Variants in B4GALNT3 observed in about 807,000 individuals in gnomAD.
B4GALNT3 encodes beta-1,4-N-acetyl-galactosaminyltransferase 3.
In B4GALNT3, 86 loss-of-function variants were observed where a neutral mutation model predicts 120.2. That is an observed-to-expected ratio of 0.72 (90% CI 0.60 to 0.86). The LOEUF (loss-of-function observed/expected upper bound fraction) is 0.86. B4GALNT3 is among the 40% of genes least tolerant of loss of function. The pLI, the probability that B4GALNT3 is intolerant of heterozygous loss-of-function variation, is 0.00. For missense variants in B4GALNT3, 1,167 were observed against 1,298.9 expected (o/e 0.90, Z 1.56); for synonymous variants, 518 against 510.4 (o/e 1.01, Z -0.20).
At chr12:536,327 A>C (rs778530930) in intron 3 of B4GALNT3, 32 bp downstream of exon 3, 50 of 1,541,374 alleles carry the variant, frequency 3.2e-5, no homozygotes, top group Non-Finnish European at 4.1e-5. Flanking sequence ...CTGCCCTTTG[A>C]GAGAGCTAAA....
chr12:533,465 G>A (rs892997460), intron 1 of B4GALNT3, among the ~76,000 whole-genome samples: 42 of 152,330 alleles, frequency 2.8e-4, no homozygotes, highest in Admixed American at 6.5e-5. Context: ...ACCATAACAC[G>A]AGTGGAGGGT....
chr12:498,492 T>C (rs567918609), intron 1 of B4GALNT3, among the ~76,000 whole-genome samples: 99 of 146,856 alleles, frequency 6.7e-4, no homozygotes, highest in Non-Finnish European at 1.2e-3. Context: ...CTTCCTGTTT[T>C]TGTTTTGTTC....
chr12:500,247 G>T (rs902936971), intron 1 of B4GALNT3, among the ~76,000 whole-genome samples: 1 of 152,136 alleles, frequency 6.6e-6, no homozygotes, highest in Admixed American at 6.5e-5. Context: ...GGGCTCAAGC[G>T]ATCCTCCCGC....
At chr12:505,068 A>G (rs1946483725) in intron 1 of B4GALNT3, among the ~76,000 whole-genome samples, 1 of 151,612 alleles carries the variant, frequency 6.6e-6, no homozygotes, top group Admixed American at 6.6e-5. Context: ...TGTTTTCTGT[A>G]TTTTTAGTAG....
rs10604398 is a variant in B4GALNT3, at chr12:552,292, TACACACACACACACACAC to T, written c.1209-148_1209-131del. 1,196 of 627,124 alleles carry T rather than the reference TACACACACACACACACAC, an allele frequency of 1.9e-3. 9 individuals carry two copies. In the African/African-American group the frequency reaches 0.019, roughly 10 times the overall value. 38.8% of individuals were successfully genotyped at this position (627,124 alleles called of 1,614,324 possible). On this transcript the variant is annotated intron_variant, in intron 12 of 19. Transcript: ENST00000266383. ...CTTTGCTCTTGCTCTTCCTGAGTAC[TACACACACACACACACAC>T]ACACACACACACACACACACACACA... is the stretch of plus-strand genomic sequence containing the variant.
intron 18 of B4GALNT3, among the ~76,000 whole-genome samples, chr12:558,939 C>CTCTG (rs984367454): frequency 6.6e-6 from 1 of 151,784 alleles, no homozygotes; most frequent in African/African-American, 2.4e-5. Flanking sequence ...GTGCCAGATG[C>CTCTG]TCTGCCCTGT....
At chr12:503,733 G>A (rs1250666336) in intron 1 of B4GALNT3, among the ~76,000 whole-genome samples, 1 of 142,084 alleles carries the variant, frequency 7.0e-6, no homozygotes, top group Non-Finnish European at 1.6e-5. Context: ...GTGGACCTCA[G>A]TTCCCCAATC....
At chr12:528,151 A>G (rs1439447192) in intron 1 of B4GALNT3, among the ~76,000 whole-genome samples, 6 of 152,160 alleles carry the variant, frequency 3.9e-5, no homozygotes, top group Admixed American at 1.3e-4. Context: ...CCTACTGCCT[A>G]TGTGACTTTT....
At chr12:500,669 CCCCAACCCGGGA>C (rs1946429776) in intron 1 of B4GALNT3, among the ~76,000 whole-genome samples, 1 of 151,972 alleles carries the variant, frequency 6.6e-6, no homozygotes, top group African/African-American at 2.4e-5. Context: ...CCCGTGGGTG[CCCCAACCCGGGA>C]CCCACCAGGC....
At chr12:543,868 G>A (rs1354313236) in intron 3 of B4GALNT3, among the ~76,000 whole-genome samples, 3 of 115,140 alleles carry the variant, frequency 2.6e-5, no homozygotes, top group Admixed American at 8.5e-5. Context: ...AGGAGCTGGG[G>A]CGGGCATGGG....
chr12:508,286 T>A (rs1946517017), intron 1 of B4GALNT3, among the ~76,000 whole-genome samples: 3 of 152,186 alleles, frequency 2.0e-5, no homozygotes, highest in Admixed American at 2.0e-4. Context: ...CTTTTGTTTT[T>A]TTTAGACAGG....
At chr12:496,565 C>T (rs1483088925) in intron 1 of B4GALNT3, among the ~76,000 whole-genome samples, 1 of 152,102 alleles carries the variant, frequency 6.6e-6, no homozygotes, top group East Asian at 1.9e-4. Context: ...GCACTCTGCA[C>T]TCCAGCCTGG....
At chr12:516,374 A>G (rs1946656209) in intron 1 of B4GALNT3, among the ~76,000 whole-genome samples, 1 of 152,210 alleles carries the variant, frequency 6.6e-6, no homozygotes, top group Non-Finnish European at 1.5e-5. Context: ...CTGAGTAAAA[A>G]GGGCAAGAAA....
intron 1 of B4GALNT3, among the ~76,000 whole-genome samples, chr12:528,152 T>G (rs541857671): frequency 6.6e-6 from 1 of 152,318 alleles, no homozygotes; most frequent in South Asian, 2.1e-4. Context: ...CTACTGCCTA[T>G]GTGACTTTTG....
In B4GALNT3 at chr12:558,579, G is replaced by A. The variant is rs1218822997; in HGVS notation, c.2679G>A (p.Arg893=). 1.2e-6 allele frequency: 2 copies of A among 1,614,212 alleles called. No homozygotes were observed. The highest frequency in any genetic ancestry group is 1.7e-6 in the Non-Finnish European group (2 of 1,180,022). The change falls in exon 18 of 20, where the codon CGG becomes CGA. Residue 893 remains arginine (R), a synonymous_variant. Transcript: ENST00000266383. ...CAGCTGGAGTCATCGATGCCATTCG[G>A]AAGCACTGTGTGGAGGGAAAGATGG... The part of the protein sequence containing the change: ...HFPAGVIDAI[R]KHCVEGKMAF...
intron 1 of B4GALNT3, among the ~76,000 whole-genome samples, chr12:469,739 A>C (rs1002589057): frequency 2.6e-5 from 4 of 152,164 alleles, no homozygotes; most frequent in South Asian, 2.1e-4. Context: ...ACTCTGCTGC[A>C]TACCCCTGTG....
chr12:466,192 T>C (rs955093615), intron 1 of B4GALNT3, among the ~76,000 whole-genome samples: 1 of 152,136 alleles, frequency 6.6e-6, no homozygotes, highest in Non-Finnish European at 1.5e-5. Flanking sequence ...CACAAGGTCT[T>C]CTGAAAGTGC....
chr12:522,661 G>A (rs895133103), intron 1 of B4GALNT3, among the ~76,000 whole-genome samples: 4 of 151,996 alleles, frequency 2.6e-5, no homozygotes, highest in African/African-American at 4.8e-5. Context: ...TGGGCCAGGC[G>A]TGGTGGCTCA....
At chr12:503,176 C>T (rs1331385667) in intron 1 of B4GALNT3, among the ~76,000 whole-genome samples, 1 of 152,150 alleles carries the variant, frequency 6.6e-6, no homozygotes, top group Non-Finnish European at 1.5e-5. Context: ...TGTTTCCCAG[C>T]AAGGAAATCC....
Sources: gnomAD v4.1 joint callset for allele counts (sites outside exome capture counted in the v4.1 genomes callset) on GRCh38, gnomAD v4.1.1 for gene constraint, MANE v1.5 for transcripts, NCBI Gene and HGNC (gene_info 2026-07-23, HGNC 2026-07-21) for gene names.